BAZ1A: variants seen among roughly 807,000 people sequenced by gnomAD.
BAZ1A encodes bromodomain adjacent to zinc finger domain protein 1A.
In BAZ1A, 50 loss-of-function variants were observed where a neutral mutation model predicts 185.2. The observed-to-expected ratio is 0.27, with a 90% confidence interval of 0.22 to 0.34. BAZ1A has a LOEUF of 0.34. Ranked by LOEUF, BAZ1A falls within the 10% of genes least tolerant of loss-of-function variation. BAZ1A has a pLI of 1.00. For synonymous variants in BAZ1A, 571 were observed against 615.6 expected (o/e 0.93, Z 1.07); for missense variants, 1,356 against 1,839.9 (o/e 0.74, Z 4.81).
chr14:34,812,495 T>G (rs1433488916), intron 4 of BAZ1A, among the ~76,000 whole-genome samples: 5 of 152,154 alleles, frequency 3.3e-5, no homozygotes, highest in African/African-American at 1.2e-4. Flanking sequence ...AGGGTCACTC[T>G]GGCTGCTATG....
chr14:34,771,661 TACAATTAAA>T lies in BAZ1A; in HGVS notation c.3153-11_3153-3del. ...GTTTCTGTTTTTATCCCCAAAAGTC[TACAATTAAA>T]ACAATTAAGAGTTTATGGTACTTAA... is the stretch of plus-strand genomic sequence containing the variant. On this transcript the variant is annotated splice_polypyrimidine_tract_variant and splice_region_variant and intron_variant, in intron 20 of 26. Transcript: ENST00000360310. The T allele has an allele frequency of 6.2e-7, 1 of 1,610,592 alleles. No homozygotes were observed. The highest frequency in any genetic ancestry group is 8.5e-7 in the Non-Finnish European group (1 of 1,178,976).
intron 4 of BAZ1A, among the ~76,000 whole-genome samples, chr14:34,820,126 T>TTG (rs1276573080): frequency 3.1e-4 from 44 of 141,642 alleles, no homozygotes; most frequent in African/African-American, 1.1e-3. Context: ...TTCCTCGTTT[T>TTG]TTTTTTTTTT....
intron 26 of BAZ1A, 34 bp from the exon 27 acceptor site, chr14:34,753,738 A>G: frequency 6.9e-7 from 1 of 1,445,542 alleles, no homozygotes; most frequent in South Asian, 1.4e-5. Context: ...GATTAGAATG[A>G]AAGTACATAA....
intron 25 of BAZ1A, 67 bp from the exon 26 acceptor site, chr14:34,754,981 TAA>T: frequency 1.6e-6 from 2 of 1,276,430 alleles, no homozygotes; most frequent in South Asian, 1.4e-5. Flanking sequence ...TTCAAATAAC[TAA>T]AAGTTTTGCA....
chr14:34,800,882 T>C (rs1190622018), intron 8 of BAZ1A, among the ~76,000 whole-genome samples: 1 of 152,174 alleles, frequency 6.6e-6, no homozygotes, highest in Non-Finnish European at 1.5e-5. Flanking sequence ...TAATAGGGAA[T>C]ATGCAAGACC....
At chr14:34,867,440 A>G (rs2138835059) in intron 2 of BAZ1A, among the ~76,000 whole-genome samples, 1 of 148,426 alleles carries the variant, frequency 6.7e-6, no homozygotes, top group South Asian at 2.1e-4. Context: ...CACGCATGGG[A>G]TATTTCATGC....
intron 3 of BAZ1A, among the ~76,000 whole-genome samples, chr14:34,838,559 T>C (rs2138749699): frequency 6.6e-6 from 1 of 151,958 alleles, no homozygotes; most frequent in East Asian, 1.9e-4. Context: ...TCTCCCTCTG[T>C]TACCCAGGCT....
chr14:34,794,866 C>A lies in BAZ1A; in HGVS notation c.1246G>T (p.Val416Leu), dbSNP rs1167708785. ...DLKELPEPTP[V>L]KTRLPPEIFG... ...ATTTCAGGAGGTAGTCTAGTTTTCA[C>A]TGGTGTTGGTTCTGGAAGTTCCTGA... is the stretch of plus-strand genomic sequence containing the variant. Residue 416 changes from valine (V) to leucine (L), a missense_variant, in exon 11 of 27, where the codon GTG becomes TTG. Physicochemically the swap from Val to Leu is conservative, Grantham distance 32. This residue lies in a region of BAZ1A where 184 missense variants were observed against 355.1 expected (regional missense o/e 0.52). Coordinates refer to ENST00000360310, the MANE Select transcript of BAZ1A (RefSeq NM_013448.3). The A allele has an allele frequency of 6.2e-7, 1 of 1,613,808 alleles. No individual in the cohort carries two copies. Among genetic ancestry groups the A allele is most frequent in the Non-Finnish European group, 8.5e-7 (1 of 1,179,948 alleles).
chr14:34,836,799 C>T lies in BAZ1A; in HGVS notation c.393-10643G>A, dbSNP rs373532295. 1.2e-4 allele frequency among the ~76,000 whole-genome samples: 18 copies of T among 152,006 alleles called. 1 individual carries two copies. Among genetic ancestry groups the T allele is most frequent in the African/African-American group, 2.2e-4 (9 of 41,316 alleles). ...AGTGGAAGAAACCAGAGCATTTGAG[C>T]GAGTCAGCTATTCACACAAAAAGAG... On this transcript the variant is annotated intron_variant, in intron 3 of 26. Coordinates refer to ENST00000360310, the MANE Select transcript of BAZ1A (RefSeq NM_013448.3).
At chr14:34,786,916 G>A (rs553545024) in intron 12 of BAZ1A, among the ~76,000 whole-genome samples, 107 of 151,602 alleles carry the variant, frequency 7.1e-4, no homozygotes, top group African/African-American at 2.4e-3. Context: ...CCCTTTTATG[G>A]ATATTTTAAG....
chr14:34,762,153 A>C lies in BAZ1A; in HGVS notation c.3847T>G (p.Ser1283Ala), dbSNP rs764084799. 2 of 1,614,202 alleles carry C rather than the reference A, an allele frequency of 1.2e-6. No homozygotes were observed. Among genetic ancestry groups the C allele is most frequent in the African/African-American group, 2.7e-5 (2 of 75,052 alleles). Residue 1283 changes from serine (S) to alanine (A), a missense_variant, in exon 24 of 27, where the codon TCA (serine) becomes GCA (alanine). By Grantham distance (99) the Ser-to-Ala change is moderately conservative. This residue lies in a region of BAZ1A where 309 missense variants were observed against 355.3 expected (regional missense o/e 0.87). Transcript: ENST00000360310. ...KTRGKLSSSF[S>A]SRGQQQEPGR... ...GGTTCTTGTTGTTGGCCACGACTTG[A>C]GAAAGAAGAGCTAAGTTTCCCTCTT...
In BAZ1A at chr14:34,874,495, T is replaced by A. The variant is rs775395144; in HGVS notation, c.110A>T (p.Tyr37Phe). Residue 37 changes from tyrosine (Y) to phenylalanine (F), a missense_variant, in exon 2 of 27, where the codon TAC becomes TTC. This residue lies in a region of BAZ1A where 332 missense variants were observed against 395.3 expected (regional missense o/e 0.84). Transcript: ENST00000360310. The surrounding 1 kb of genome is among the most constrained non-coding windows in gnomAD (Gnocchi z 4.7). Reference protein sequence around the residue: ...CKVTNEIFRHYDDFFERTILC... With the variant: ...CKVTNEIFRHFDDFFERTILC... ...CCGCACACGGCCCGGCTCTTACTCG[T>A]AGTGGCGGAAGATCTCGTTGGTGAC... is the stretch of plus-strand genomic sequence containing the variant. 6.2e-7 allele frequency: 1 copy of A among 1,611,138 alleles called. No homozygotes were observed. The highest frequency in any genetic ancestry group is 8.5e-7 in the Non-Finnish European group (1 of 1,178,398).
intron 7 of BAZ1A, among the ~76,000 whole-genome samples, chr14:34,802,256 T>G (rs1881610660): frequency 6.6e-6 from 1 of 152,204 alleles, no homozygotes; most frequent in Non-Finnish European, 1.5e-5. Flanking sequence ...AGATGGAGTC[T>G]TGGCTTTGTT....
At chr14:34,848,134 T>G (rs978658675) in intron 3 of BAZ1A, among the ~76,000 whole-genome samples, 3 of 152,066 alleles carry the variant, frequency 2.0e-5, no homozygotes, top group Non-Finnish European at 2.9e-5. Flanking sequence ...AGTGCTAGGA[T>G]TACAGGCATG....
rs1380286501 is a variant in BAZ1A, at chr14:34,765,539, T to C, written c.3302-271A>G. Among the ~76,000 whole-genome samples the C allele has an allele frequency of 2.6e-5, 4 of 152,250 alleles. No homozygotes were observed. The South Asian group carries it at 6.2e-4, about 24-fold the overall frequency. On this transcript the variant is annotated intron_variant, in intron 21 of 26. Transcript: ENST00000360310. ...AAAGAGAAAAATAATTCAGACAATG[T>C]GTTCTCAATCTAGTCTTTGTATCAA...
intron 15 of BAZ1A, 98 bp downstream of exon 15, chr14:34,783,664 T>C (rs1259372174): frequency 1.4e-6 from 2 of 1,458,706 alleles, no homozygotes; most frequent in Non-Finnish European, 1.8e-6. Flanking sequence ...CAAACATCAG[T>C]ATAATGAATG....
At chr14:34,854,479 CAT>C (rs1208859921) in intron 3 of BAZ1A, among the ~76,000 whole-genome samples, 2 of 151,884 alleles carry the variant, frequency 1.3e-5, no homozygotes, top group Admixed American at 1.3e-4. Context: ...TTAATCATAA[CAT>C]AAAATTTAAC....
intron 23 of BAZ1A, among the ~76,000 whole-genome samples, chr14:34,764,369 C>T (rs1209421370): frequency 6.9e-6 from 1 of 145,928 alleles, no homozygotes; most frequent in African/African-American, 2.5e-5. Flanking sequence ...CGTTACCTCA[C>T]TGCAACCTCC....
intron 3 of BAZ1A, among the ~76,000 whole-genome samples, chr14:34,838,318 C>T (rs548407284): frequency 6.6e-6 from 1 of 152,258 alleles, no homozygotes; most frequent in African/African-American, 2.4e-5. Context: ...AATCACAGAA[C>T]CTGAATAAGG....
Sources: allele counts gnomAD v4.1 joint callset (sites outside exome capture counted in the v4.1 genomes callset), GRCh38; gene constraint gnomAD v4.1.1; regional missense constraint gnomAD v4.1.1; non-coding constraint Gnocchi (gnomAD v3.1); transcripts MANE v1.5; gene names NCBI Gene and HGNC (gene_info 2026-07-23, HGNC 2026-07-21).